BCAS3: variants seen among roughly 807,000 people sequenced by gnomAD.
The protein encoded by BCAS3 is BCAS3 microtubule associated cell migration factor, also known as BCAS4/BCAS3 fusion.
Under a neutral mutation model 116.1 loss-of-function variants are expected in BCAS3, and 53 were observed. The ratio of observed to expected loss-of-function variants is 0.46; its 90% CI spans 0.37 to 0.57. BCAS3 has a LOEUF of 0.57. BCAS3 is among the 20% of genes least tolerant of loss of function. The probability of loss-of-function intolerance (pLI) is 0.00; values close to 1 mark genes in which losing one functional copy is unlikely to be tolerated. For synonymous variants in BCAS3, 391 were observed against 408.2 expected (o/e 0.96, Z 0.51); for missense variants, 917 against 1,165.4 (o/e 0.79, Z 3.10).
In BCAS3 at chr17:60,739,883, GT is replaced by G. The variant is rs910155139; in HGVS notation, c.322-7304del. ...AGAGGTTGCTGTTTTTTTTGTTTTT[GT>G]TTTTTTTTTTCCACACAACACTCTA... is the stretch of plus-strand genomic sequence containing the variant. On this transcript the variant is annotated intron_variant, in intron 5 of 23. Coordinates refer to ENST00000407086, the MANE Select transcript of BCAS3 (RefSeq NM_017679.5). Among the ~76,000 whole-genome samples the G allele has an allele frequency of 3.0e-3, 426 of 143,628 alleles. 2 individuals are homozygous for G. Among genetic ancestry groups the G allele is most frequent in the African/African-American group, 0.01 (395 of 39,154 alleles). The allele number at this position is 143,628 out of a possible 152,430, so 94.2% of individuals were successfully genotyped here.
chr17:61,354,868 C>T lies in BCAS3; in HGVS notation c.2426-13459C>T, dbSNP rs1413932004. 1.3e-5 allele frequency: 2 copies of T among 152,250 alleles called. No homozygotes were observed. The highest frequency in any genetic ancestry group is 4.8e-5 in the African/African-American group (2 of 41,458). The allele number at this position is 152,250 out of a possible 1,614,324, so 9.4% of individuals were successfully genotyped here. ...AGCTAAAAATGGGTCAGGTATCAAA[C>T]GGGTCAACTCCAGTACCGGCAGGCA... On this transcript the variant is annotated intron_variant, in intron 22 of 23. Transcript: ENST00000407086. The surrounding 1 kb of genome is among the most constrained non-coding windows in gnomAD (Gnocchi z 4.5).
At chr17:60,725,604 T>C (rs923871063) in intron 5 of BCAS3, among the ~76,000 whole-genome samples, 5 of 152,198 alleles carry the variant, frequency 3.3e-5, no homozygotes, top group Non-Finnish European at 1.5e-5. Flanking sequence ...TTGGCTATTT[T>C]TTTCATTGTC....
At chr17:61,178,430 A>T (rs879420158) in intron 22 of BCAS3, among the ~76,000 whole-genome samples, 4 of 152,060 alleles carry the variant, frequency 2.6e-5, no homozygotes, top group Non-Finnish European at 4.4e-5. Flanking sequence ...GCTTGACTAG[A>T]GTTATTCTTC....
intron 13 of BCAS3, among the ~76,000 whole-genome samples, chr17:60,946,889 C>T (rs956593334): frequency 6.6e-6 from 1 of 152,080 alleles, no homozygotes; most frequent in African/African-American, 2.4e-5. Context: ...CCAGCCTGGG[C>T]AACCGAGTGA....
intron 22 of BCAS3, among the ~76,000 whole-genome samples, chr17:61,195,526 A>C (rs981930787): frequency 2.2e-5 from 3 of 137,036 alleles, no homozygotes; most frequent in Non-Finnish European, 4.8e-5. Context: ...TGCCCTGCTA[A>C]ACTTTTCTTT....
Position 61,380,469 on chromosome 17 carries a change from T to C in BCAS3, c.2594-11508T>C. 1 of 1,571,182 alleles carries C rather than the reference T, an allele frequency of 6.4e-7. No individual in the cohort carries two copies. Among genetic ancestry groups the C allele is most frequent in the East Asian group, 2.2e-5 (1 of 44,662 alleles). Reference sequence around the variant, plus strand: ...CCTGCTCTCTTAAAGGTCCAGTTTGTGATCCGCTTTAAAGGAATATTTTAT... The same window carrying C: ...CCTGCTCTCTTAAAGGTCCAGTTTGCGATCCGCTTTAAAGGAATATTTTAT... On this transcript the variant is annotated intron_variant, in intron 23 of 23. Transcript: ENST00000407086. This position sits in a 1 kb window ranked among gnomAD's most constrained non-coding sequence, Gnocchi z 4.2.
Position 61,032,395 on chromosome 17 carries a change from T to G in BCAS3, c.1638-2271T>G, listed in dbSNP as rs536715326. ...TTCAAAAAATTCTACAATACTTTTCTCTTTCCCGTTCCCCCAGCCACCATC... is the reference window on the plus strand; with the variant it reads ...TTCAAAAAATTCTACAATACTTTTCGCTTTCCCGTTCCCCCAGCCACCATC... On this transcript the variant is annotated intron_variant, in intron 16 of 23. Coordinates refer to ENST00000407086, the MANE Select transcript of BCAS3 (RefSeq NM_017679.5). The surrounding 1 kb of genome is among the most constrained non-coding windows in gnomAD (Gnocchi z 4.6). 7.9e-5 allele frequency among the ~76,000 whole-genome samples: 12 copies of G among 152,276 alleles called. No individual in the cohort carries two copies. In the South Asian group the frequency reaches 2.5e-3, roughly 32 times the overall value.
At chr17:60,749,435 AC>A (rs2042266174) in intron 6 of BCAS3, among the ~76,000 whole-genome samples, 2 of 152,116 alleles carry the variant, frequency 1.3e-5, no homozygotes, top group Non-Finnish European at 1.5e-5. Context: ...CTTGATTCAC[AC>A]ATTTTCCTGG....
rs535646650 is a variant in BCAS3, at chr17:61,272,006, C to T, written c.2426-96321C>T. ...TTTATTTTTTGTAGAGATGATGTATCGTTCTGTTGCCCAGGCTGGTCTTGA... is the reference window on the plus strand; with the variant it reads ...TTTATTTTTTGTAGAGATGATGTATTGTTCTGTTGCCCAGGCTGGTCTTGA... On this transcript the variant is annotated intron_variant, in intron 22 of 23. Coordinates refer to ENST00000407086, the MANE Select transcript of BCAS3 (RefSeq NM_017679.5). Among the ~76,000 whole-genome samples the T allele has an allele frequency of 3.3e-5, 5 of 151,626 alleles. No individual in the cohort carries two copies. The South Asian group carries it at 1.0e-3, about 32-fold the overall frequency.
chr17:60,814,304 T>TGC (rs59755143), intron 7 of BCAS3, among the ~76,000 whole-genome samples: 8,223 of 136,772 alleles, frequency 0.06, 585 homozygotes, highest in African/African-American at 0.19. Flanking sequence ...TGTGTGTGTG[T>TGC]GTGCGCGCGT....
intron 22 of BCAS3, among the ~76,000 whole-genome samples, chr17:61,191,721 G>A (rs543452158): frequency 6.6e-6 from 1 of 151,366 alleles, no homozygotes; most frequent in Non-Finnish European, 1.5e-5. Context: ...CTTGCTGTGA[G>A]CCGAGATCGC....
chr17:61,246,124 CACG>C (rs2047924962), intron 22 of BCAS3, among the ~76,000 whole-genome samples: 1 of 152,142 alleles, frequency 6.6e-6, no homozygotes, highest in Admixed American at 6.5e-5. Context: ...TTACAACTAT[CACG>C]ACCTCATAAC....
intron 22 of BCAS3, among the ~76,000 whole-genome samples, chr17:61,102,578 A>T (rs374404367): frequency 1.3e-5 from 2 of 152,142 alleles, no homozygotes; most frequent in Non-Finnish European, 2.9e-5. Context: ...TTTTTTTGTC[A>T]TGAACATGTT....
chr17:61,322,834 G>GAGAGAGAGAGAGAGAGAGAGAGAC (rs2055386259), intron 22 of BCAS3, among the ~76,000 whole-genome samples: 3 of 131,830 alleles, frequency 2.3e-5, no homozygotes, highest in Middle Eastern at 3.7e-3. Context: ...GAGAGACAGA[G>GAGAGAGAGAGAGAGAGAGAGAGAC]AGAGAGAGAG....
chr17:61,014,049 A>C (rs1238834641), intron 15 of BCAS3, among the ~76,000 whole-genome samples: 1 of 152,152 alleles, frequency 6.6e-6, no homozygotes, highest in Non-Finnish European at 1.5e-5. Flanking sequence ...TTTGCTGTGT[A>C]CATAAATTGG....
chr17:60,771,740 C>T (rs547311030), intron 6 of BCAS3, among the ~76,000 whole-genome samples: 93 of 152,176 alleles, frequency 6.1e-4, no homozygotes, highest in African/African-American at 2.1e-3. Flanking sequence ...TGTGATGGTC[C>T]CCCACCCTGT....
chr17:60,991,945 C>G (rs2063550511), intron 15 of BCAS3, among the ~76,000 whole-genome samples: 2 of 152,058 alleles, frequency 1.3e-5, no homozygotes, highest in Admixed American at 1.3e-4. Context: ...TATATTAACA[C>G]TTCACTCCTT....
intron 22 of BCAS3, among the ~76,000 whole-genome samples, chr17:61,148,685 T>C (rs546494849): frequency 6.6e-6 from 1 of 152,304 alleles, no homozygotes; most frequent in Non-Finnish European, 1.5e-5. Flanking sequence ...ACAAGATAGG[T>C]ATAATTATTT....
At chr17:60,832,951 C>G (rs2051066738) in intron 7 of BCAS3, among the ~76,000 whole-genome samples, 1 of 152,164 alleles carries the variant, frequency 6.6e-6, no homozygotes, top group Non-Finnish European at 1.5e-5. Context: ...TCTAAAAGCA[C>G]CTGCTTTTCA....
Sources: gnomAD v4.1 joint callset for allele counts (sites outside exome capture counted in the v4.1 genomes callset) on GRCh38, gnomAD v4.1.1 for gene constraint, Gnocchi (gnomAD v3.1) non-coding constraint, MANE v1.5 for transcripts, NCBI Gene and HGNC (gene_info 2026-07-23, HGNC 2026-07-21) for gene names.